ARHGEF3: variants seen among roughly 807,000 people sequenced by gnomAD.
ARHGEF3 encodes the protein 59.8 kDA protein.
Under a neutral mutation model 63.2 loss-of-function variants are expected in ARHGEF3, and 28 were observed. That is an observed-to-expected ratio of 0.44 (90% CI 0.33 to 0.61). The LOEUF is 0.61. ARHGEF3 is among the 20% of genes least tolerant of loss of function. The pLI is 0.03. For synonymous variants in ARHGEF3, 266 were observed against 254.2 expected (o/e 1.05, Z -0.44); for missense variants, 533 against 659.3 (o/e 0.81, Z 2.10).
chr3:57,078,478 C>G (rs1706317054), intron 1 of ARHGEF3: 3 of 152,306 alleles, frequency 2.0e-5, no homozygotes, highest in African/African-American at 7.2e-5. Flanking sequence ...CAGCTCTCCA[C>G]CACCGCAAAG....
chr3:56,748,310 G>A (rs1434431980), intron 6 of ARHGEF3, among the ~76,000 whole-genome samples: 1 of 152,124 alleles, frequency 6.6e-6, no homozygotes, highest in Non-Finnish European at 1.5e-5. Flanking sequence ...GATTACAGAC[G>A]TGAGCCACTG....
At chr3:56,842,112 A>C (rs1263728223) in intron 4 of ARHGEF3, among the ~76,000 whole-genome samples, 1 of 152,192 alleles carries the variant, frequency 6.6e-6, no homozygotes, top group Non-Finnish European at 1.5e-5. Flanking sequence ...TCGGTTACCA[A>C]GTTAGTTATG....
intron 2 of ARHGEF3, among the ~76,000 whole-genome samples, chr3:56,771,938 G>A (rs1004394322): frequency 6.6e-5 from 10 of 152,292 alleles, no homozygotes; most frequent in South Asian, 4.2e-4. Flanking sequence ...CCAGATGTGC[G>A]GGACTAGGGC....
rs555742593 is a variant in ARHGEF3 at position 56,911,744 on chromosome 3, T to C, written c.130-29390A>G. On this transcript the variant is annotated intron_variant, in intron 3 of 12. Transcript: ENST00000338458. Reference sequence around the variant, plus strand: ...CTTCCTTCCCTCCACAAAATCAAACTACGTCCATGTTTACCTCAGGACATA... The same window carrying C: ...CTTCCTTCCCTCCACAAAATCAAACCACGTCCATGTTTACCTCAGGACATA... 3.9e-5 allele frequency among the ~76,000 whole-genome samples: 6 copies of C among 152,164 alleles called. No individual in the cohort carries two copies. In the South Asian group the frequency reaches 1.2e-3, roughly 32 times the overall value.
At chr3:56,884,860 G>A (rs2040870534) in intron 3 of ARHGEF3, among the ~76,000 whole-genome samples, 2 of 152,198 alleles carry the variant, frequency 1.3e-5, no homozygotes, top group African/African-American at 2.4e-5. Flanking sequence ...GATATGGTAT[G>A]GGATAATTTC....
chr3:56,993,464 T>A lies in ARHGEF3; in HGVS notation c.63-34575A>T, dbSNP rs147049252. ...ATCTTGGCTCACTGCAGCTTCGGCC[T>A]CCTGGGCTCAAGCGATCCTCCTACC... is the stretch of plus-strand genomic sequence containing the variant. On this transcript the variant is annotated intron_variant, in intron 2 of 12. Coordinates refer to the ARHGEF3 transcript ENST00000338458. Among the ~76,000 whole-genome samples the A allele has an allele frequency of 7.2e-4, 110 of 151,986 alleles. 2 individuals carry two copies. Among genetic ancestry groups the A allele is most frequent in the African/African-American group, 2.5e-3 (104 of 41,462 alleles).
intron 4 of ARHGEF3, among the ~76,000 whole-genome samples, chr3:56,872,921 G>A (rs549308829): frequency 2.0e-5 from 3 of 152,186 alleles, no homozygotes; most frequent in Non-Finnish European, 4.4e-5. Flanking sequence ...AAAATCAATA[G>A]CAACAGTAGT....
rs543782177 is a variant in ARHGEF3, at chr3:56,898,389, A to G, written c.130-16035T>C. Among the ~76,000 whole-genome samples, 456 of 151,194 alleles carry G rather than the reference A, an allele frequency of 3.0e-3. 3 individuals carry two copies. The highest frequency in any genetic ancestry group is 0.011 in the African/African-American group (439 of 41,174). On this transcript the variant is annotated intron_variant, in intron 3 of 12. Coordinates refer to the ARHGEF3 transcript ENST00000338458. ...CACACTGGCTGATTTTTGTATTTTT[A>G]GTGGAGAGGGGGTTTCACCATGTTG...
Position 56,906,301 on chromosome 3 carries a change from T to C in ARHGEF3, c.130-23947A>G, listed in dbSNP as rs144070096. On this transcript the variant is annotated intron_variant, in intron 3 of 12. Transcript: ENST00000338458. The stretch of plus-strand genomic sequence containing the variant: ...AGCTAACTGAGGCTAGTGGCCTCCA[T>C]ATGAGACGGAGCAGATAGAAAACAT... Among the ~76,000 whole-genome samples the C allele has an allele frequency of 8.5e-3, 1,299 of 152,316 alleles. 7 individuals are homozygous for C. The highest frequency in any genetic ancestry group is 0.024 in the African/African-American group (996 of 41,568).
At chr3:57,073,925 C>T (rs143572550) in intron 1 of ARHGEF3, 1 of 1,614,044 alleles carries the variant, frequency 6.2e-7, no homozygotes, top group Non-Finnish European at 8.5e-7. Context: ...GGGATGTGTG[C>T]CAAAGTGAGA....
chr3:57,076,380 T>G (rs888782768), intron 1 of ARHGEF3, among the ~76,000 whole-genome samples: 1 of 152,164 alleles, frequency 6.6e-6, no homozygotes, highest in South Asian at 2.1e-4. Flanking sequence ...CAGAGAACTT[T>G]AGAGATGGAT....
intron 2 of ARHGEF3, 94 bp from the exon 3 acceptor site, chr3:56,755,245 A>T: frequency 7.3e-7 from 1 of 1,373,686 alleles, no homozygotes; most frequent in Non-Finnish European, 1.0e-6. Flanking sequence ...CATAAATCAT[A>T]TATGTGAAAG....
intron 1 of ARHGEF3, among the ~76,000 whole-genome samples, chr3:57,069,780 G>A (rs368826680): frequency 1.4e-4 from 22 of 152,224 alleles, no homozygotes; most frequent in African/African-American, 5.1e-4. Context: ...AAGTATGTGG[G>A]ACTACAGACA....
At chr3:56,992,197 G>A (rs1005800332) in intron 2 of ARHGEF3, among the ~76,000 whole-genome samples, 8 of 151,324 alleles carry the variant, frequency 5.3e-5, no homozygotes, top group South Asian at 2.1e-4. Flanking sequence ...CTGCTAGTTC[G>A]CTCATTAATG....
chr3:56,923,891 G>A (rs2042214036), intron 3 of ARHGEF3, among the ~76,000 whole-genome samples: 1 of 152,186 alleles, frequency 6.6e-6, no homozygotes, highest in Non-Finnish European at 1.5e-5. Context: ...GGTGGAAAGG[G>A]CTTCCAACTC....
intron 4 of ARHGEF3, among the ~76,000 whole-genome samples, chr3:56,811,739 G>C (rs1229022430): frequency 6.6e-6 from 1 of 152,110 alleles, no homozygotes; most frequent in Non-Finnish European, 1.5e-5. Flanking sequence ...TGGCAATAGA[G>C]GACTGAACAG....
chr3:56,930,419 G>A (rs187964981), intron 3 of ARHGEF3, among the ~76,000 whole-genome samples: 8 of 152,102 alleles, frequency 5.3e-5, no homozygotes, highest in Admixed American at 6.5e-5. Flanking sequence ...TAAAACCAGC[G>A]TCAAGCATAA....
intron 4 of ARHGEF3, among the ~76,000 whole-genome samples, chr3:56,878,349 A>G (rs1433824420): frequency 2.0e-5 from 3 of 152,162 alleles, no homozygotes; most frequent in Admixed American, 6.5e-5. Flanking sequence ...ATTGCTCTCA[A>G]AAGTGTACGT....
chr3:56,961,235 TTAAA>T (rs1427381230), intron 2 of ARHGEF3, among the ~76,000 whole-genome samples: 4 of 152,210 alleles, frequency 2.6e-5, no homozygotes, highest in Admixed American at 6.5e-5. Context: ...TTACATACAT[TTAAA>T]TAAATAATCT....
Sources: gnomAD v4.1 joint callset for allele counts (sites outside exome capture counted in the v4.1 genomes callset) on GRCh38, gnomAD v4.1.1 for gene constraint, MANE v1.5 for transcripts, NCBI Gene and HGNC (gene_info 2026-07-23, HGNC 2026-07-21) for gene names.